Variants in KCNJ6 observed in about 807,000 individuals in gnomAD.
KCNJ6 encodes the protein G protein-activated inward rectifier potassium channel 2.
A neutral mutation model predicts 34.2 loss-of-function variants in KCNJ6; 9 were observed. The ratio of observed to expected loss-of-function variants is 0.26; its 90% CI spans 0.16 to 0.46. The LOEUF (loss-of-function observed/expected upper bound fraction) is 0.46, where lower values mean the gene tolerates loss of function less well. Ranked by LOEUF, KCNJ6 falls within the 20% of genes least tolerant of loss-of-function variation. KCNJ6 has a pLI of 1.00. For missense variants in KCNJ6, 236 were observed against 531.3 expected, an observed-to-expected ratio of 0.44 and a Z score of 5.46; for synonymous variants, 196 against 207.1, an observed-to-expected ratio of 0.95 and a Z score of 0.46.
rs1358806306 is a variant in KCNJ6, at chr21:37,611,010, GA to G, written c.*14148del. 6.6e-6 allele frequency: 1 copy of G among 152,004 alleles called. No individual in the cohort carries two copies. The highest frequency in any genetic ancestry group is 1.5e-5 in the Non-Finnish European group (1 of 67,988). 9.4% of individuals were successfully genotyped at this position (152,004 alleles called of 1,614,324 possible). On this transcript the variant is annotated 3_prime_UTR_variant, in exon 4 of 4. Coordinates refer to ENST00000609713, the MANE Select transcript of KCNJ6 (RefSeq NM_002240.5). ...AATTAGATTAAAAATTCACGAAATT[GA>G]AAATAGGAAATCAATAAAATAAATA...
At chr21:37,782,916 C>G (rs548744843) in intron 2 of KCNJ6, among the ~76,000 whole-genome samples, 111 of 152,228 alleles carry the variant, frequency 7.3e-4, no homozygotes, top group Middle Eastern at 3.4e-3. Flanking sequence ...CATGGTTGCC[C>G]CATCTTGACT....
At chr21:37,861,594 C>T (rs1284073803) in intron 1 of KCNJ6, among the ~76,000 whole-genome samples, 1 of 152,142 alleles carries the variant, frequency 6.6e-6, no homozygotes, top group Non-Finnish European at 1.5e-5. Flanking sequence ...ATGGTTAGCC[C>T]TGTATCTCAG....
rs559576274 is a variant in KCNJ6 at position 37,693,177 on chromosome 21, A to G, written c.946+21034T>C. Reference sequence around the variant, plus strand: ...TGTTTAAATGTCTTAATTTTTCGAGATAGATGGTACCAAGTGCTATGTTTT... The same window carrying G: ...TGTTTAAATGTCTTAATTTTTCGAGGTAGATGGTACCAAGTGCTATGTTTT... On this transcript the variant is annotated intron_variant, in intron 3 of 3. Transcript: ENST00000609713. Among the ~76,000 whole-genome samples, 13 of 152,314 alleles carry G rather than the reference A, an allele frequency of 8.5e-5. No homozygotes were observed. The South Asian group carries it at 2.7e-3, about 32-fold the overall frequency.
chr21:37,911,876 A>C (rs2123654784), intron 1 of KCNJ6, among the ~76,000 whole-genome samples: 1 of 152,286 alleles, frequency 6.6e-6, no homozygotes, highest in South Asian at 2.1e-4. Context: ...AGATTCCATA[A>C]GGGTATTTTA....
At chr21:37,834,269 C>G (rs1283762648) in intron 2 of KCNJ6, among the ~76,000 whole-genome samples, 1 of 152,224 alleles carries the variant, frequency 6.6e-6, no homozygotes, top group Non-Finnish European at 1.5e-5. Context: ...TCCTATCTGC[C>G]CAGTCATCTG....
At chr21:37,763,426 A>G (rs2055075860) in intron 2 of KCNJ6, among the ~76,000 whole-genome samples, 1 of 152,174 alleles carries the variant, frequency 6.6e-6, no homozygotes, top group African/African-American at 2.4e-5. Flanking sequence ...TAGAGGAGCC[A>G]CAGAGCTCGG....
At chr21:37,680,308 T>C (rs568399270) in intron 3 of KCNJ6, among the ~76,000 whole-genome samples, 2 of 152,332 alleles carry the variant, frequency 1.3e-5, no homozygotes, top group East Asian at 1.9e-4. Context: ...CCCAGCATTA[T>C]GTTTCTCCCC....
rs564722212 is a variant in KCNJ6 at position 37,751,961 on chromosome 21, A to G, written c.26-36830T>C. Among the ~76,000 whole-genome samples the G allele has an allele frequency of 1.1e-3, 165 of 152,360 alleles. 1 individual carries two copies. The highest frequency in any genetic ancestry group is 3.7e-3 in the African/African-American group (153 of 41,590). ...GAAGGAAGACATTTCCACTGGATTA[A>G]TGAAACGCTAAGTTGGAAGAGTGCA... On this transcript the variant is annotated intron_variant, in intron 2 of 3. Transcript: ENST00000609713.
chr21:37,691,622 C>T (rs1446496040), intron 3 of KCNJ6, among the ~76,000 whole-genome samples: 1 of 152,208 alleles, frequency 6.6e-6, no homozygotes, highest in African/African-American at 2.4e-5. Context: ...GGAACATCTT[C>T]AGCCACTGCT....
chr21:37,634,219 G>A (rs150846527), intron 3 of KCNJ6, among the ~76,000 whole-genome samples: 1 of 152,266 alleles, frequency 6.6e-6, no homozygotes, highest in East Asian at 1.9e-4. Context: ...TTGGTGCCAC[G>A]CCCAAGGTAA....
chr21:37,642,831 A>C (rs932023137), intron 3 of KCNJ6, among the ~76,000 whole-genome samples: 1 of 152,190 alleles, frequency 6.6e-6, no homozygotes, highest in Admixed American at 6.5e-5. Context: ...CTACTAAAAC[A>C]AAAAAAGATA....
At chr21:37,880,531 C>T (rs1033038916) in intron 1 of KCNJ6, among the ~76,000 whole-genome samples, 11 of 152,212 alleles carry the variant, frequency 7.2e-5, no homozygotes, top group South Asian at 4.1e-4. Context: ...ATTGATAAAA[C>T]GGCAGGGATG....
In KCNJ6 at chr21:37,622,544, C is replaced by T. The variant is rs2054293163; in HGVS notation, c.*2615G>A. 1 of 152,268 alleles carries T rather than the reference C, an allele frequency of 6.6e-6. No homozygotes were observed. The allele number at this position is 152,268 out of a possible 1,614,324, so 9.4% of individuals were successfully genotyped here. ...CTAGTAAAAGGTTCTTCAGGAGCAT[C>T]CCCATGTAAAGATTCAGAGGCTCAC... On this transcript the variant is annotated 3_prime_UTR_variant, in exon 4 of 4. Coordinates refer to ENST00000609713, the MANE Select transcript of KCNJ6 (RefSeq NM_002240.5).
chr21:37,764,768 A>T (rs1313145344), intron 2 of KCNJ6, among the ~76,000 whole-genome samples: 1 of 152,238 alleles, frequency 6.6e-6, no homozygotes, highest in Non-Finnish European at 1.5e-5. Context: ...GTGTTTGGTC[A>T]TCCCGTGATC....
chr21:37,821,784 TC>T (rs2055374478), intron 2 of KCNJ6, among the ~76,000 whole-genome samples: 1 of 152,240 alleles, frequency 6.6e-6, no homozygotes, highest in African/African-American at 2.4e-5. Flanking sequence ...TAAATTCTAC[TC>T]TATAAATAGA....
At chr21:37,850,455 C>T (rs556507635) in intron 1 of KCNJ6, among the ~76,000 whole-genome samples, 3 of 152,076 alleles carry the variant, frequency 2.0e-5, no homozygotes, top group African/African-American at 7.2e-5. Context: ...GGAGTGCGAA[C>T]CCTATTTGAA....
intron 2 of KCNJ6, among the ~76,000 whole-genome samples, chr21:37,778,734 T>A (rs2055155080): frequency 6.7e-6 from 1 of 149,510 alleles, no homozygotes; most frequent in Admixed American, 6.7e-5. Flanking sequence ...TTAACACTCA[T>A]CTTCTGTTTG....
At chr21:37,816,887 GC>G (rs2123549198) in intron 2 of KCNJ6, among the ~76,000 whole-genome samples, 1 of 152,242 alleles carries the variant, frequency 6.6e-6, no homozygotes, top group Admixed American at 6.5e-5. Context: ...TCAGACAACT[GC>G]CCTGAATCCA....
chr21:37,694,494 G>A (rs1601423018), intron 3 of KCNJ6, among the ~76,000 whole-genome samples: 2 of 152,306 alleles, frequency 1.3e-5, no homozygotes, highest in East Asian at 3.9e-4. Context: ...TTTAGATAAA[G>A]CACCATTGAT....
Sources: allele counts gnomAD v4.1 joint callset (sites outside exome capture counted in the v4.1 genomes callset), GRCh38; gene constraint gnomAD v4.1.1; transcripts MANE v1.5; gene names NCBI Gene and HGNC (gene_info 2026-07-23, HGNC 2026-07-21).